ZNF761: variants seen among roughly 807,000 people sequenced by gnomAD.
ZNF761 encodes the protein zinc finger protein 761.
ZNF761 carries 43 observed loss-of-function variants against 59.9 expected under a neutral mutation model. That is an observed-to-expected ratio of 0.72 (90% CI 0.56 to 0.92). The LOEUF (loss-of-function observed/expected upper bound fraction) is 0.92, where lower values mean the gene tolerates loss of function less well. Among genes scored for constraint, ZNF761 ranks in the 40% least tolerant of loss-of-function variants. The probability of loss-of-function intolerance (pLI) is 0.00; values close to 1 mark genes in which losing one functional copy is unlikely to be tolerated. For synonymous variants in ZNF761, 294 were observed against 304.8 expected, an observed-to-expected ratio of 0.96 and a Z score of 0.37; for missense variants, 850 against 906.1, an observed-to-expected ratio of 0.94 and a Z score of 0.79.
chr19:53,447,998 TATG>T (rs2086179203), intron 3 of ZNF761, among the ~76,000 whole-genome samples: 1 of 152,148 alleles, frequency 6.6e-6, no homozygotes, highest in African/African-American at 2.4e-5. Context: ...ATTATTATGT[TATG>T]ATAATATTAT....
chr19:53,448,915 G>A (rs2086189071), intron 3 of ZNF761, among the ~76,000 whole-genome samples: 1 of 152,124 alleles, frequency 6.6e-6, no homozygotes, highest in Admixed American at 6.6e-5. Flanking sequence ...TGGGATAACA[G>A]GCATGTGCCG....
chr19:53,436,517 C>T (rs1364015032), intron 1 of ZNF761, among the ~76,000 whole-genome samples: 1 of 152,170 alleles, frequency 6.6e-6, no homozygotes, highest in Non-Finnish European at 1.5e-5. Context: ...GGAGGAGGAC[C>T]ATACGAAAGA....
chr19:53,456,948 C>T lies in ZNF761; in HGVS notation c.*200C>T. ...ACAAAGTTTACAGTCGCACATCAAA[C>T]CGTGAAAGACAGGAGAATTCATACT... On this transcript the variant is annotated 3_prime_UTR_variant, in exon 5 of 5. Coordinates refer to ENST00000684525, the MANE Select transcript of ZNF761 (RefSeq NM_001289951.2). 1 of 737,538 alleles carries T rather than the reference C, an allele frequency of 1.4e-6. No homozygotes were observed. The highest frequency in any genetic ancestry group is 2.3e-6 in the Non-Finnish European group (1 of 434,034). The allele number at this position is 737,538 out of a possible 1,614,324, so 45.7% of individuals were successfully genotyped here. A position where few individuals can be genotyped will look rare whatever the true frequency, so the allele number is the denominator to read the frequency against.
chr19:53,454,601 T>C, intron 4 of ZNF761, 49 bp from the exon 5 acceptor site: 1 of 1,510,406 alleles, frequency 6.6e-7, no homozygotes, highest in Non-Finnish European at 8.9e-7. Context: ...TTCAGCATTA[T>C]TTACCATCTG....
At chr19:53,451,186 G>A (rs1262311377) in intron 4 of ZNF761, among the ~76,000 whole-genome samples, 2 of 152,100 alleles carry the variant, frequency 1.3e-5, no homozygotes, top group African/African-American at 2.4e-5. Context: ...CAGTTTATGT[G>A]TCCTTTTATT....
chr19:53,444,352 A>G (rs1767426162), intron 1 of ZNF761: 2 of 152,220 alleles, frequency 1.3e-5, no homozygotes, highest in Non-Finnish European at 2.9e-5. Context: ...AAACCGCCTT[A>G]TGGCTGGAGG....
At chr19:53,450,104 A>C (rs895828806) in intron 4 of ZNF761, 12 of 313,932 alleles carry the variant, frequency 3.8e-5, no homozygotes, top group African/African-American at 2.6e-4. Flanking sequence ...GGCGATCGAG[A>C]CCAGCCCGGC....
In ZNF761 at chr19:53,456,852, A is replaced by T. The variant is rs1451666888; in HGVS notation, c.*104A>T. The T allele has an allele frequency of 9.9e-6, 13 of 1,317,344 alleles. No homozygotes were observed. The highest frequency in any genetic ancestry group is 1.4e-5 in the Non-Finnish European group (13 of 934,524). 81.6% of individuals were successfully genotyped at this position (1,317,344 alleles called of 1,614,324 possible). The stretch of plus-strand genomic sequence containing the variant: ...ATGTGAAGCATGTGATAAAGTTTAC[A>T]GTGGCAAATCAAGCCTCAGAAGACA... On this transcript the variant is annotated 3_prime_UTR_variant, in exon 5 of 5. Coordinates refer to ENST00000684525, the MANE Select transcript of ZNF761 (RefSeq NM_001289951.2).
intron 1 of ZNF761, among the ~76,000 whole-genome samples, chr19:53,434,872 G>A (rs2086021407): frequency 6.6e-6 from 1 of 152,154 alleles, no homozygotes; most frequent in Non-Finnish European, 1.5e-5. Context: ...CAAGCAAACA[G>A]GTTTTTAGCT....
chr19:53,453,647 G>A (rs1052304451), intron 4 of ZNF761, among the ~76,000 whole-genome samples: 3 of 152,092 alleles, frequency 2.0e-5, no homozygotes, highest in African/African-American at 4.8e-5. Flanking sequence ...AGGTTGAGGC[G>A]GGTGGATCAC....
chr19:53,434,237 T>G (rs2086010837), intron 1 of ZNF761, among the ~76,000 whole-genome samples: 1 of 152,370 alleles, frequency 6.6e-6, no homozygotes, highest in South Asian at 2.1e-4. Flanking sequence ...GGCAAATCTG[T>G]GTCTTTCTAA....
intron 1 of ZNF761, chr19:53,444,860 C>G (rs1051036084): frequency 6.8e-6 from 1 of 147,112 alleles, no homozygotes; most frequent in Admixed American, 7.1e-5. Context: ...GGTTTTAGGC[C>G]CTGGACCCCG....
At chr19:53,437,612 TC>T (rs1298044482) in intron 1 of ZNF761, among the ~76,000 whole-genome samples, 1 of 152,170 alleles carries the variant, frequency 6.6e-6, no homozygotes, top group African/African-American at 2.4e-5. Flanking sequence ...CTGCTTTGCC[TC>T]CCTGTCTGCT....
rs1328213625 is a variant in ZNF761, at chr19:53,457,746, G to A, written c.*998G>A. 1 of 162,722 alleles carries A rather than the reference G, an allele frequency of 6.1e-6. No individual in the cohort carries two copies. The allele number at this position is 162,722 out of a possible 1,614,324, so 10.1% of individuals were successfully genotyped here. On this transcript the variant is annotated 3_prime_UTR_variant, in exon 5 of 5. Transcript: ENST00000684525. Reference sequence around the variant, plus strand: ...TTACACCTGTAATCTGAGCGCTTTGGGAGGCCAAGGTGGGTAGATCACTTG... The same window carrying A: ...TTACACCTGTAATCTGAGCGCTTTGAGAGGCCAAGGTGGGTAGATCACTTG...
At chr19:53,450,708 A>G (rs1038424045) in intron 4 of ZNF761, among the ~76,000 whole-genome samples, 1 of 151,848 alleles carries the variant, frequency 6.6e-6, no homozygotes, top group African/African-American at 2.4e-5. Context: ...CTCGGGTTCA[A>G]ATGTTTCTTG....
In ZNF761 at chr19:53,458,095, TG is replaced by T. The variant is rs1472240731; in HGVS notation, c.*1348del. On this transcript the variant is annotated 3_prime_UTR_variant, in exon 5 of 5. Transcript: ENST00000684525. ...AAAATTTTCTTTTAAAATTGTTTAT[TG>T]TTAAAGTATGGAAATTCAACTAATT... The T allele has an allele frequency of 1.3e-5, 2 of 152,380 alleles. No individual in the cohort carries two copies. Among genetic ancestry groups the T allele is most frequent in the African/African-American group, 4.8e-5 (2 of 41,462 alleles). 9.4% of individuals were successfully genotyped at this position (152,380 alleles called of 1,614,324 possible). A position where few individuals can be genotyped will look rare whatever the true frequency, so the allele number is the denominator to read the frequency against.
intron 1 of ZNF761, among the ~76,000 whole-genome samples, chr19:53,433,086 A>C (rs2617760): frequency 3.3e-5 from 5 of 149,910 alleles, no homozygotes; most frequent in Non-Finnish European, 7.4e-5. Context: ...GGGGAGAGCA[A>C]AGGAGGCGCA....
At chr19:53,438,954 G>A (rs1049939000) in intron 1 of ZNF761, among the ~76,000 whole-genome samples, 14 of 152,308 alleles carry the variant, frequency 9.2e-5, no homozygotes, top group African/African-American at 3.4e-4. Context: ...TAGGCCATGA[G>A]GTCTGAGGCC....
Position 53,456,207 on chromosome 19 carries a change from GC to G in ZNF761, c.1702del (p.His568IlefsTer78). ...TTCAATCAGCAGTTAACCCTTAAACGCCATCGTAGACTTCATAGTGGAGAGA... is the reference window on the plus strand; with the variant it reads ...TTCAATCAGCAGTTAACCCTTAAACGCATCGTAGACTTCATAGTGGAGAGA... The part of the protein sequence containing the change: ...KTFNQQLTLK[R>X]HRRLHSGENP... On this transcript the variant is annotated frameshift_variant, in exon 5 of 5. Transcript: ENST00000684525. LOFTEE classifies it high-confidence loss of function. 6.2e-7 allele frequency: 1 copy of G among 1,613,922 alleles called. No individual in the cohort carries two copies. The highest frequency in any genetic ancestry group is 8.5e-7 in the Non-Finnish European group (1 of 1,179,962).
Sources: gnomAD v4.1 joint callset for allele counts (sites outside exome capture counted in the v4.1 genomes callset) on GRCh38, gnomAD v4.1.1 for gene constraint, MANE v1.5 for transcripts, NCBI Gene and HGNC (gene_info 2026-07-23, HGNC 2026-07-21) for gene names.